Variants in CLVS2 observed in about 807,000 individuals in gnomAD.
CLVS2 encodes the protein clavesin-2.
A neutral mutation model predicts 29.0 loss-of-function variants in CLVS2; 19 were observed. The ratio of observed to expected loss-of-function variants is 0.66; its 90% confidence interval spans 0.46 to 0.96. The LOEUF is 0.96. Ranked by LOEUF, CLVS2 falls within the 40% of genes least tolerant of loss-of-function variation. CLVS2 has a pLI of 0.00. For missense variants in CLVS2, 294 were observed against 404.1 expected (o/e 0.73, Z 2.34); for synonymous variants, 161 against 151.3 (o/e 1.06, Z -0.47).
chr6:123,024,971 C>T (rs9388170), intron 3 of CLVS2, among the ~76,000 whole-genome samples: 112,197 of 151,466 alleles, frequency 0.74, 42,026 homozygotes, highest in East Asian at 0.92. Context: ...CAATATACGC[C>T]TAGGATACCA....
rs547603289 is a variant in CLVS2, at chr6:123,000,518, C to A, written c.389+2352C>A. On this transcript the variant is annotated intron_variant, in intron 2 of 5. Transcript: ENST00000275162. ...CCTTTCTGCCAATGCCAGGATGTTA[C>A]CAACACTTCTTAGCCTGAGTCCCTT... Among the ~76,000 whole-genome samples, 6 of 152,286 alleles carry A rather than the reference C, an allele frequency of 3.9e-5. No homozygotes were observed. The South Asian group carries it at 6.2e-4, about 16-fold the overall frequency.
intron 5 of CLVS2, 84 bp from the exon 6 acceptor site, chr6:123,063,590 A>G: frequency 2.7e-6 from 2 of 745,176 alleles, no homozygotes; most frequent in Non-Finnish European, 4.7e-6. Context: ...CATTCCTGGG[A>G]GAAGTAATGA....
At position 122,998,048 on chromosome 6, in the gene CLVS2, G is replaced by T; in HGVS notation, c.271G>T (p.Ala91Ser). Residue 91 changes from alanine (A) to serine (S), a missense_variant, in exon 2 of 6, where the codon GCC becomes TCC. Ala to Ser is a moderately conservative substitution (Grantham distance 99). Around this residue, in one of 2 missense-constraint regions of CLVS2, gnomAD observed 212 missense variants for 336.4 expected, o/e 0.63. Coordinates refer to ENST00000275162, the MANE Select transcript of CLVS2 (RefSeq NM_001010852.4). ...QNLDMFKSFKATDPGIKQALK... is the reference protein window; with the variant it reads ...QNLDMFKSFKSTDPGIKQALK... ...CCTGGACATGTTCAAAAGCTTTAAG[G>T]CCACCGACCCTGGCATCAAGCAGGC... 1 of 1,614,178 alleles carries T rather than the reference G, an allele frequency of 6.2e-7. No homozygotes were observed. The highest frequency in any genetic ancestry group is 8.5e-7 in the Non-Finnish European group (1 of 1,180,036).
chr6:123,035,677 A>G (rs896646487), intron 3 of CLVS2, among the ~76,000 whole-genome samples: 2 of 152,148 alleles, frequency 1.3e-5, no homozygotes, highest in East Asian at 3.9e-4. Flanking sequence ...TTATTGAACC[A>G]GGTTTTTTTT....
rs1772810373 is a variant in CLVS2 at position 123,063,610 on chromosome 6, GA to G, written c.897-63del. The G allele has an allele frequency of 5.7e-6, 5 of 871,542 alleles. No homozygotes were observed. The East Asian group carries it at 1.0e-4, about 18-fold the overall frequency. The allele number at this position is 871,542 out of a possible 1,614,324, so 54.0% of individuals were successfully genotyped here. On this transcript the variant is annotated intron_variant, in intron 5 of 5. Coordinates refer to ENST00000275162, the MANE Select transcript of CLVS2 (RefSeq NM_001010852.4). ...CTGGGAGAAGTAATGACAAAAAGAG[GA>G]GAGAATGTCATCTGCACAATTACCT...
chr6:123,062,315 G>T (rs772839436), intron 5 of CLVS2, among the ~76,000 whole-genome samples: 7 of 152,042 alleles, frequency 4.6e-5, no homozygotes, highest in Non-Finnish European at 1.0e-4. Context: ...AAATAAAGAT[G>T]ATTATGTATT....
In CLVS2 at chr6:123,066,076, T is replaced by A. The variant is rs1378677664; in HGVS notation, c.*2315T>A. 2 of 151,746 alleles carry A rather than the reference T, an allele frequency of 1.3e-5. No individual in the cohort carries two copies. Among genetic ancestry groups the A allele is most frequent in the Non-Finnish European group, 3.0e-5 (2 of 67,748 alleles). The allele number at this position is 151,746 out of a possible 1,614,324, so 9.4% of individuals were successfully genotyped here. A position where few individuals can be genotyped will look rare whatever the true frequency, so the allele number is the denominator to read the frequency against. ...TTTAAAATGAATGAACAAATTACAA[T>A]GATGATGCCTTTTGAAATTACCATA... On this transcript the variant is annotated 3_prime_UTR_variant, in exon 6 of 6. Coordinates refer to ENST00000275162, the MANE Select transcript of CLVS2 (RefSeq NM_001010852.4).
At chr6:123,024,412 T>C in intron 3 of CLVS2, among the ~76,000 whole-genome samples, 1 of 152,114 alleles carries the variant, frequency 6.6e-6, no homozygotes, top group East Asian at 1.9e-4. Flanking sequence ...AATATACACA[T>C]ATCTCCTCAC....
chr6:123,043,316 G>A (rs1364478504), intron 3 of CLVS2, among the ~76,000 whole-genome samples: 1 of 152,006 alleles, frequency 6.6e-6, no homozygotes, highest in African/African-American at 2.4e-5. Flanking sequence ...TCTAGAGTAA[G>A]TATCTTTTAT....
intron 3 of CLVS2, among the ~76,000 whole-genome samples, chr6:123,036,420 C>A (rs1177956292): frequency 8.6e-5 from 13 of 152,026 alleles, no homozygotes; most frequent in Non-Finnish European, 7.4e-5. Flanking sequence ...TGTAATAAAT[C>A]CAAGAAAAGC....
intron 5 of CLVS2, among the ~76,000 whole-genome samples, chr6:123,057,396 G>T (rs1248114296): frequency 2.2e-5 from 3 of 139,326 alleles, no homozygotes; most frequent in Non-Finnish European, 4.6e-5. Flanking sequence ...TCCCAGGCTA[G>T]AGTGCAATGG....
chr6:123,036,050 A>G (rs1390958857), intron 3 of CLVS2, among the ~76,000 whole-genome samples: 1 of 152,264 alleles, frequency 6.6e-6, no homozygotes, highest in African/African-American at 2.4e-5. Flanking sequence ...TAGACCAAAT[A>G]CTAGTATAAA....
rs1055002322 is a variant in CLVS2, at chr6:123,066,042, G to A, written c.*2281G>A. The stretch of plus-strand genomic sequence containing the variant: ...AGCAATTGAGAGTTGGCTAGATTGT[G>A]TAAAATATTTTAAAATGAATGAACA... On this transcript the variant is annotated 3_prime_UTR_variant, in exon 6 of 6. Coordinates refer to ENST00000275162, the MANE Select transcript of CLVS2 (RefSeq NM_001010852.4). The A allele has an allele frequency of 2.0e-5, 3 of 151,674 alleles. No individual in the cohort carries two copies. The highest frequency in any genetic ancestry group is 7.2e-5 in the African/African-American group (3 of 41,392). 9.4% of individuals were successfully genotyped at this position (151,674 alleles called of 1,614,324 possible). A position where few individuals can be genotyped will look rare whatever the true frequency, so the allele number is the denominator to read the frequency against.
chr6:123,004,703 A>T (rs1404916729), intron 2 of CLVS2, among the ~76,000 whole-genome samples: 1 of 144,760 alleles, frequency 6.9e-6, no homozygotes, highest in Admixed American at 6.9e-5. Context: ...ACCTGAGGTC[A>T]GGAGTTGGAT....
At chr6:123,039,015 C>A (rs62422421) in intron 3 of CLVS2, among the ~76,000 whole-genome samples, 47,122 of 151,964 alleles carry the variant, frequency 0.31, 8,212 homozygotes, top group East Asian at 0.7. Flanking sequence ...CAGTTCCTGT[C>A]TTGCCAAACC....
chr6:123,063,736 T>A lies in CLVS2; in HGVS notation c.959T>A (p.Met320Lys). ...KRMDKNEEEN[M>K]QPLLSLD ...ATGGATAAAAATGAGGAAGAAAACA[T>A]GCAACCATTGCTTTCTCTGGACTAA... is the stretch of plus-strand genomic sequence containing the variant. The change falls in exon 6 of 6, where the codon ATG becomes AAG. Residue 320 changes from methionine (M) to lysine (K), a missense_variant. By Grantham distance (95) the Met-to-Lys change is moderately conservative. Transcript: ENST00000275162. 6.2e-7 allele frequency: 1 copy of A among 1,609,366 alleles called. No homozygotes were observed. The highest frequency in any genetic ancestry group is 8.5e-7 in the Non-Finnish European group (1 of 1,175,958).
rs1424358723 is a variant in CLVS2 at position 123,059,846 on chromosome 6, C to T, written c.896+3820C>T. ...GATTCTTTTCTCCAATTAAATAGAC[C>T]ATTTTCTCCCCTACACACTTTGCTT... On this transcript the variant is annotated intron_variant, in intron 5 of 5. Transcript: ENST00000275162. Among the ~76,000 whole-genome samples, 3 of 152,084 alleles carry T rather than the reference C, an allele frequency of 2.0e-5. No individual in the cohort carries two copies. In the East Asian group the frequency reaches 5.8e-4, roughly 29 times the overall value.
At chr6:123,063,309 A>G (rs1772804645) in intron 5 of CLVS2, among the ~76,000 whole-genome samples, 1 of 152,066 alleles carries the variant, frequency 6.6e-6, no homozygotes, top group African/African-American at 2.4e-5. Flanking sequence ...ATTTCACTGT[A>G]ATTTTTTTCC....
In CLVS2 at chr6:123,067,773, C is replaced by A. The variant is rs1255096195; in HGVS notation, c.*4012C>A. 2.0e-5 allele frequency: 3 copies of A among 151,636 alleles called. No individual in the cohort carries two copies. The highest frequency in any genetic ancestry group is 4.4e-5 in the Non-Finnish European group (3 of 67,712). The allele number at this position is 151,636 out of a possible 1,614,324, so 9.4% of individuals were successfully genotyped here. A position where few individuals can be genotyped will look rare whatever the true frequency, so the allele number is the denominator to read the frequency against. ...CATACAAGAAGAGGCAGATTATAAA[C>A]CAACATATTGGAACAAAAGAAGATT... On this transcript the variant is annotated 3_prime_UTR_variant, in exon 6 of 6. Transcript: ENST00000275162.
Sources: gnomAD v4.1 joint callset for allele counts (sites outside exome capture counted in the v4.1 genomes callset) on GRCh38, gnomAD v4.1.1 for gene constraint, gnomAD v4.1.1 regional missense constraint, MANE v1.5 for transcripts, NCBI Gene and HGNC (gene_info 2026-07-23, HGNC 2026-07-21) for gene names.